SLC30A3: variants seen among roughly 807,000 people sequenced by gnomAD.
SLC30A3 encodes probable proton-coupled zinc antiporter SLC30A3.
SLC30A3 carries 20 observed loss-of-function variants against 35.6 expected under a neutral mutation model. That is an observed-to-expected ratio of 0.56 (90% CI 0.39 to 0.82). The LOEUF is 0.82. SLC30A3 is among the 40% of genes least tolerant of loss of function. SLC30A3 has a pLI of 0.00. For missense variants in SLC30A3, 401 were observed against 530.6 expected (o/e 0.76, Z 2.40); for synonymous variants, 217 against 224.7 (o/e 0.97, Z 0.31).
intron 1 of SLC30A3, among the ~76,000 whole-genome samples, chr2:27,269,017 G>A (rs1230906396): frequency 6.6e-6 from 1 of 151,804 alleles, no homozygotes. Context: ...GAGAAGAAGA[G>A]ACAAATGAAA....
upstream of SLC30A3, among the ~76,000 whole-genome samples, chr2:27,265,430 T>G (rs945305901): frequency 9.8e-5 from 15 of 152,356 alleles, no homozygotes; most frequent in African/African-American, 3.1e-4. This position sits in a 1 kb window ranked among gnomAD's most constrained non-coding sequence, Gnocchi z 5.9. Context: ...TGTGAACATC[T>G]TTGCAAAGGG....
rs371039560 is a variant in SLC30A3, at chr2:27,254,759, A to AACACAC, written c.*547_*552dup. On this transcript the variant is annotated 3_prime_UTR_variant, in exon 8 of 8. Coordinates refer to ENST00000233535, the MANE Select transcript of SLC30A3 (RefSeq NM_003459.5). ...GAGACACACAGGCCACAGCACCAAG[A>AACACAC]ACACACACACACACACACACACACA... The AACACAC allele has an allele frequency of 2.9e-3, 506 of 176,318 alleles. 4 individuals are homozygous for AACACAC. The highest frequency in any genetic ancestry group is 5.2e-3 in the South Asian group (43 of 8,332). The allele number at this position is 176,318 out of a possible 1,614,324, so 10.9% of individuals were successfully genotyped here.
At position 27,262,920 on chromosome 2, in the gene SLC30A3, C is replaced by T. The variant is rs760115970; in HGVS notation, c.-14G>A. ...AGAGGGCTCCATGTTCCCGGTGCCC[C>T]GACCGTCTAGGCCCCACCGAGGAAG... On this transcript the variant is annotated 5_prime_UTR_variant, in exon 1 of 8. Transcript: ENST00000233535. This position sits in a 1 kb window ranked among gnomAD's most constrained non-coding sequence, Gnocchi z 7.5. The T allele has an allele frequency of 2.6e-6, 4 of 1,550,434 alleles. No homozygotes were observed. Among genetic ancestry groups the T allele is most frequent in the South Asian group, 2.4e-5 (2 of 83,986 alleles).
chr2:27,274,026 C>T (rs1160624344), intron 1 of SLC30A3, among the ~76,000 whole-genome samples: 1 of 152,024 alleles, frequency 6.6e-6, no homozygotes, highest in Non-Finnish European at 1.5e-5. Flanking sequence ...GGCACAATGG[C>T]TCACGCCTTC....
chr2:27,256,697 C>T (rs1321089118), intron 6 of SLC30A3, 91 bp downstream of exon 6: 32 of 1,281,456 alleles, frequency 2.5e-5, no homozygotes, highest in Non-Finnish European at 3.3e-5. Context: ...GCCTTCTTCC[C>T]GTACTATCTT....
rs953992408 is a variant in SLC30A3 at position 27,257,547 on chromosome 2, C to G, written c.579-195G>C. On this transcript the variant is annotated intron_variant, in intron 4 of 7. Transcript: ENST00000233535. This position sits in a 1 kb window ranked among gnomAD's most constrained non-coding sequence, Gnocchi z 4.7. ...CACACATGTGGATTCGGAAGCTGGC[C>G]CTGTTACTTAAATAGATATGTGACT... The G allele has an allele frequency of 4.8e-6, 3 of 626,618 alleles. No individual in the cohort carries two copies. In the African/African-American group the frequency reaches 5.5e-5, roughly 12 times the overall value. 38.8% of individuals were successfully genotyped at this position (626,618 alleles called of 1,614,324 possible).
In SLC30A3 at chr2:27,257,474, A is replaced by T; in HGVS notation, c.579-122T>A. On this transcript the variant is annotated intron_variant, in intron 4 of 7. Transcript: ENST00000233535. This position sits in a 1 kb window ranked among gnomAD's most constrained non-coding sequence, Gnocchi z 4.7. ...CCCTGGAAGAAAACAGCATTTTGCA[A>T]GAGAGATAAACAATGCAGCCTGGGG... 1 of 948,752 alleles carries T rather than the reference A, an allele frequency of 1.1e-6. No homozygotes were observed. The highest frequency in any genetic ancestry group is 1.5e-5 in the South Asian group (1 of 66,720). 58.8% of individuals were successfully genotyped at this position (948,752 alleles called of 1,614,324 possible).
rs1453210146 is a variant in SLC30A3, at chr2:27,262,055, G to A, written c.95+757C>T. 6.6e-6 allele frequency: 1 copy of A among 152,474 alleles called. No homozygotes were observed. The highest frequency in any genetic ancestry group is 1.9e-4 in the East Asian group (1 of 5,182). The allele number at this position is 152,474 out of a possible 1,614,324, so 9.4% of individuals were successfully genotyped here. ...ACAGACAAGATGGCCCACGGGGGTG[G>A]GCAGGGAGGTCGGACGGCCGCTCAG... On this transcript the variant is annotated intron_variant, in intron 1 of 7. Coordinates refer to ENST00000233535, the MANE Select transcript of SLC30A3 (RefSeq NM_003459.5). The surrounding 1 kb of genome is among the most constrained non-coding windows in gnomAD (Gnocchi z 7.5).
chr2:27,263,146 T>G (rs1175548596), upstream of SLC30A3: 6 of 1,314,904 alleles, frequency 4.6e-6, no homozygotes, highest in East Asian at 1.6e-4. Context: ...CCCCGGCCTC[T>G]CCCCACCCTT....
In SLC30A3 at chr2:27,255,661, C is replaced by T. The variant is rs1234675763; in HGVS notation, c.1019-201G>A. 1.8e-5 allele frequency: 11 copies of T among 596,960 alleles called. No individual in the cohort carries two copies. Among genetic ancestry groups the T allele is most frequent in the Non-Finnish European group, 2.9e-5 (10 of 339,482 alleles). The allele number at this position is 596,960 out of a possible 1,614,324, so 37.0% of individuals were successfully genotyped here. A position where few individuals can be genotyped will look rare whatever the true frequency, so the allele number is the denominator to read the frequency against. On this transcript the variant is annotated intron_variant, in intron 7 of 7. Transcript: ENST00000233535. The surrounding 1 kb of genome is among the most constrained non-coding windows in gnomAD (Gnocchi z 5.2). ...CTCACCCCAATCAACCATGCTAACA[C>T]ACTAAACTCTTTCCAGTCTCCTATT...
chr2:27,256,987 C>T lies in SLC30A3; in HGVS notation c.778-94G>A, dbSNP rs920491970. On this transcript the variant is annotated intron_variant, in intron 5 of 7. Coordinates refer to ENST00000233535, the MANE Select transcript of SLC30A3 (RefSeq NM_003459.5). ...AACAAACATGACCTGAGAGGCCCCT[C>T]AAAACCCTGAAGAGGGGACAGGGAA... 19 of 1,137,858 alleles carry T rather than the reference C, an allele frequency of 1.7e-5. 1 individual carries two copies. The highest frequency in any genetic ancestry group is 2.3e-5 in the Non-Finnish European group (18 of 768,302). 70.5% of individuals were successfully genotyped at this position (1,137,858 alleles called of 1,614,324 possible). A position where few individuals can be genotyped will look rare whatever the true frequency, so the allele number is the denominator to read the frequency against.
chr2:27,262,704 C>A lies in SLC30A3; in HGVS notation c.95+108G>T. 1 of 1,086,938 alleles carries A rather than the reference C, an allele frequency of 9.2e-7. No individual in the cohort carries two copies. The highest frequency in any genetic ancestry group is 1.3e-6 in the Non-Finnish European group (1 of 796,860). 67.3% of individuals were successfully genotyped at this position (1,086,938 alleles called of 1,614,324 possible). A position where few individuals can be genotyped will look rare whatever the true frequency, so the allele number is the denominator to read the frequency against. On this transcript the variant is annotated intron_variant, in intron 1 of 7. Coordinates refer to ENST00000233535, the MANE Select transcript of SLC30A3 (RefSeq NM_003459.5). This position sits in a 1 kb window ranked among gnomAD's most constrained non-coding sequence, Gnocchi z 7.5. The stretch of plus-strand genomic sequence containing the variant: ...GGGGTGCAGCGGAGCGAGGGACCCG[C>A]GGTGCGCTGGGGCGGCCGCCGGGGC...
rs1454924017 is a variant in SLC30A3, at chr2:27,271,591, C to A, written c.-159+3586G>T. On this transcript the variant is annotated intron_variant, in intron 1 of 5. Transcript: ENST00000424577. The surrounding 1 kb of genome is among the most constrained non-coding windows in gnomAD (Gnocchi z 4.3). ...AAATGATTTGTCTAAGATCACACAG[C>A]CTGTGAGGGCCAGAGCCAGAGCTAA... 6.6e-6 allele frequency among the ~76,000 whole-genome samples: 1 copy of A among 152,200 alleles called. No individual in the cohort carries two copies. The highest frequency in any genetic ancestry group is 1.5e-5 in the Non-Finnish European group (1 of 68,038).
rs1420472299 is a variant in SLC30A3, at chr2:27,254,683, C to T, written c.*629G>A. The T allele has an allele frequency of 1.2e-5, 2 of 166,378 alleles. No homozygotes were observed. Among genetic ancestry groups the T allele is most frequent in the African/African-American group, 2.4e-5 (1 of 41,420 alleles). 10.3% of individuals were successfully genotyped at this position (166,378 alleles called of 1,614,324 possible). On this transcript the variant is annotated 3_prime_UTR_variant, in exon 8 of 8. Coordinates refer to ENST00000233535, the MANE Select transcript of SLC30A3 (RefSeq NM_003459.5). ...ATGGAGAGATAGACCCCCAAACAGA[C>T]ACATGGATGGAGCAGACTCATAGAA...
At chr2:27,259,948 G>A (rs1217306001) in intron 1 of SLC30A3, among the ~76,000 whole-genome samples, 3 of 152,172 alleles carry the variant, frequency 2.0e-5, no homozygotes, top group Admixed American at 6.5e-5. Flanking sequence ...GGAAATCAGG[G>A]AAACAGCTGT....
intron 1 of SLC30A3, among the ~76,000 whole-genome samples, chr2:27,268,572 T>A (rs1463487764): frequency 6.6e-6 from 1 of 152,034 alleles, no homozygotes; most frequent in East Asian, 1.9e-4. Context: ...GCTAACACAG[T>A]GAAACCCCGT....
intron 1 of SLC30A3, among the ~76,000 whole-genome samples, chr2:27,274,049 G>A (rs1024172606): frequency 5.3e-5 from 8 of 152,170 alleles, no homozygotes; most frequent in Admixed American, 6.5e-5. Flanking sequence ...GGGGGCTGGC[G>A]CAATGGCTCA....
chr2:27,263,954 T>C, upstream of SLC30A3: 11 of 961,774 alleles, frequency 1.1e-5, no homozygotes, highest in Non-Finnish European at 1.6e-5. Context: ...TCCTGGACAT[T>C]ACCGCATTCT....
At position 27,257,580 on chromosome 2, in the gene SLC30A3, G is replaced by C; in HGVS notation, c.579-228C>G. The C allele has an allele frequency of 1.7e-6, 1 of 605,706 alleles. No homozygotes were observed. The highest frequency in any genetic ancestry group is 2.9e-6 in the Non-Finnish European group (1 of 341,090). The allele number at this position is 605,706 out of a possible 1,614,324, so 37.5% of individuals were successfully genotyped here. A position where few individuals can be genotyped will look rare whatever the true frequency, so the allele number is the denominator to read the frequency against. ...TTAAATAGATATGTGACTTGGGCAA[G>C]TCACCTGTTGGGATTGACTGCATTA... On this transcript the variant is annotated intron_variant, in intron 4 of 7. Transcript: ENST00000233535. This position sits in a 1 kb window ranked among gnomAD's most constrained non-coding sequence, Gnocchi z 4.7.
Sources: allele counts gnomAD v4.1 joint callset (sites outside exome capture counted in the v4.1 genomes callset), GRCh38; gene constraint gnomAD v4.1.1; non-coding constraint Gnocchi (gnomAD v3.1); transcripts MANE v1.5; gene names NCBI Gene and HGNC (gene_info 2026-07-23, HGNC 2026-07-21).